RNGTT: variants seen among roughly 807,000 people sequenced by gnomAD.
The protein encoded by RNGTT is mRNA-capping enzyme.
In RNGTT, 33 loss-of-function variants were observed where a neutral mutation model predicts 79.3. The observed-to-expected ratio is 0.42, with a 90% confidence interval of 0.32 to 0.56. The LOEUF is 0.56. Ranked by LOEUF, RNGTT falls within the 20% of genes least tolerant of loss-of-function variation. The pLI is 0.17. For synonymous variants in RNGTT, 222 were observed against 235.9 expected, an observed-to-expected ratio of 0.94 and a Z score of 0.54; for missense variants, 497 against 739.1, an observed-to-expected ratio of 0.67 and a Z score of 3.80.
chr6:88,936,731 CT>C (rs1456764578), intron 2 of RNGTT, among the ~76,000 whole-genome samples: 1 of 152,086 alleles, frequency 6.6e-6, no homozygotes, highest in East Asian at 1.9e-4. Context: ...GGCCTGTTTT[CT>C]CTTTTTGTTG....
intron 13 of RNGTT, 71 bp from the exon 14 acceptor site, chr6:88,678,490 T>G: frequency 1.0e-6 from 1 of 963,592 alleles, no homozygotes; most frequent in Non-Finnish European, 1.4e-6. Context: ...TTATCAAAAT[T>G]TGAATAATAG....
intron 11 of RNGTT, among the ~76,000 whole-genome samples, chr6:88,810,409 C>T (rs1362828258): frequency 1.3e-5 from 2 of 152,134 alleles, no homozygotes; most frequent in East Asian, 1.9e-4. Context: ...AAAATTAAGT[C>T]GCTGAGATGA....
chr6:88,787,613 C>T (rs942644043), intron 12 of RNGTT, among the ~76,000 whole-genome samples: 3 of 151,516 alleles, frequency 2.0e-5, no homozygotes, highest in African/African-American at 2.4e-5. Context: ...GAGCCCAGAT[C>T]GCGTCACTGC....
chr6:88,919,694 T>C (rs1399448910), intron 4 of RNGTT, among the ~76,000 whole-genome samples: 1 of 148,842 alleles, frequency 6.7e-6, no homozygotes, highest in Non-Finnish European at 1.5e-5. Context: ...TCAGTCTAAT[T>C]AGGTCAGTAG....
intron 8 of RNGTT, among the ~76,000 whole-genome samples, chr6:88,859,567 C>T (rs1257257743): frequency 6.6e-6 from 1 of 152,096 alleles, no homozygotes; most frequent in African/African-American, 2.4e-5. Context: ...AGTTTGAATC[C>T]CTATGAACAG....
chr6:88,844,532 T>C lies in RNGTT; in HGVS notation c.1105-11A>G. The stretch of plus-strand genomic sequence containing the variant: ...TCCAACGGGCTGTGACTGAATTAAA[T>C]AAAGAATTAGTTAAATTTCAACACT... On this transcript the variant is annotated splice_polypyrimidine_tract_variant and intron_variant, in intron 10 of 15. Coordinates refer to ENST00000369485, the MANE Select transcript of RNGTT (RefSeq NM_003800.5). 6.3e-7 allele frequency: 1 copy of C among 1,594,988 alleles called. No individual in the cohort carries two copies. Among genetic ancestry groups the C allele is most frequent in the Non-Finnish European group, 8.5e-7 (1 of 1,173,668 alleles).
intron 13 of RNGTT, among the ~76,000 whole-genome samples, chr6:88,738,620 T>C (rs1384856606): frequency 6.6e-6 from 1 of 152,136 alleles, no homozygotes; most frequent in African/African-American, 2.4e-5. Flanking sequence ...TACTCCAGCC[T>C]GGGTGACAGA....
intron 14 of RNGTT, among the ~76,000 whole-genome samples, chr6:88,617,182 A>C (rs988287307): frequency 5.3e-5 from 8 of 152,230 alleles, no homozygotes. Flanking sequence ...AGGCAGGATA[A>C]TGGCATGAAC....
At chr6:88,952,238 C>G (rs1050064808) in intron 1 of RNGTT, among the ~76,000 whole-genome samples, 5 of 152,118 alleles carry the variant, frequency 3.3e-5, no homozygotes, top group African/African-American at 1.2e-4. Context: ...AAGAACCACC[C>G]CCCATCCCCT....
At chr6:88,652,210 A>G (rs1433737819) in intron 14 of RNGTT, among the ~76,000 whole-genome samples, 3 of 152,154 alleles carry the variant, frequency 2.0e-5, no homozygotes, top group African/African-American at 7.2e-5. Flanking sequence ...TATTTTAGTA[A>G]AACTGTCAAT....
At chr6:88,846,206 T>A (rs775051513) in intron 10 of RNGTT, among the ~76,000 whole-genome samples, 105 of 152,286 alleles carry the variant, frequency 6.9e-4, no homozygotes, top group Non-Finnish European at 1.3e-3. Context: ...CAGGAAACAC[T>A]CAATAATTAT....
intron 13 of RNGTT, among the ~76,000 whole-genome samples, chr6:88,712,608 G>C (rs981837458): frequency 6.6e-6 from 1 of 152,170 alleles, no homozygotes. Context: ...TGGTGTGCCT[G>C]ATAATACTTT....
chr6:88,790,639 A>T (rs1162252250), intron 12 of RNGTT, among the ~76,000 whole-genome samples: 1 of 151,940 alleles, frequency 6.6e-6, no homozygotes, highest in Non-Finnish European at 1.5e-5. Context: ...ATAAAAGAAA[A>T]ATTTATACAC....
rs1039378242 is a variant in RNGTT at position 88,703,136 on chromosome 6, G to A, written c.1440-24717C>T. Among the ~76,000 whole-genome samples the A allele has an allele frequency of 4.6e-5, 7 of 152,248 alleles. No homozygotes were observed. In the South Asian group the frequency reaches 1.4e-3, roughly 31 times the overall value. ...AGTAGCTCAGCCACTGTAGGAAGCAGTTTGGCAATTTCTCAAAGAACGTAA... is the reference window on the plus strand; with the variant it reads ...AGTAGCTCAGCCACTGTAGGAAGCAATTTGGCAATTTCTCAAAGAACGTAA... On this transcript the variant is annotated intron_variant, in intron 13 of 15. Coordinates refer to ENST00000369485, the MANE Select transcript of RNGTT (RefSeq NM_003800.5).
chr6:88,793,803 A>G (rs567681259), intron 12 of RNGTT, among the ~76,000 whole-genome samples: 25 of 152,166 alleles, frequency 1.6e-4, no homozygotes, highest in Non-Finnish European at 3.1e-4. Flanking sequence ...CTCCCCCACC[A>G]AAAAAAGAAA....
chr6:88,834,992 C>A (rs1781016627), intron 11 of RNGTT, among the ~76,000 whole-genome samples: 1 of 152,030 alleles, frequency 6.6e-6, no homozygotes, highest in South Asian at 2.1e-4. Context: ...CTATTTAATA[C>A]TCTCAACAGT....
At chr6:88,633,228 C>A (rs1208096354) in intron 14 of RNGTT, among the ~76,000 whole-genome samples, 2 of 151,978 alleles carry the variant, frequency 1.3e-5, no homozygotes, top group Admixed American at 1.3e-4. Flanking sequence ...CAGATCCCCC[C>A]ACTGAATACA....
intron 13 of RNGTT, among the ~76,000 whole-genome samples, chr6:88,762,005 G>GA (rs1778277047): frequency 6.7e-6 from 1 of 150,102 alleles, no homozygotes; most frequent in Non-Finnish European, 1.5e-5. Flanking sequence ...TAATCCAAAA[G>GA]AAAGAACACC....
intron 13 of RNGTT, among the ~76,000 whole-genome samples, chr6:88,700,291 T>C (rs1184789414): frequency 6.6e-6 from 1 of 152,154 alleles, no homozygotes; most frequent in African/African-American, 2.4e-5. Flanking sequence ...TATTCATCCC[T>C]TTCTTTATTC....
Sources: allele counts gnomAD v4.1 joint callset (sites outside exome capture counted in the v4.1 genomes callset), GRCh38; gene constraint gnomAD v4.1.1; transcripts MANE v1.5; gene names NCBI Gene and HGNC (gene_info 2026-07-23, HGNC 2026-07-21).